Variants in ENTPD4 observed in about 807,000 individuals in gnomAD.
ENTPD4 encodes Golgi UDPase.
In ENTPD4, 60 loss-of-function variants were observed where a neutral mutation model predicts 79.1. That is an observed-to-expected ratio of 0.76 (90% CI 0.62 to 0.94). The LOEUF is 0.94. Among genes scored for constraint, ENTPD4 ranks in the 40% least tolerant of loss-of-function variants. The pLI is 0.00. For missense variants in ENTPD4, 772 were observed against 775.1 expected, an observed-to-expected ratio of 1.00 and a Z score of 0.05; for synonymous variants, 276 against 292.0, an observed-to-expected ratio of 0.95 and a Z score of 0.56.
chr8:23,447,927 T>A (rs1261782455), intron 3 of ENTPD4, 42 bp from the exon 4 acceptor site: 4 of 1,530,786 alleles, frequency 2.6e-6, no homozygotes, highest in Non-Finnish European at 3.6e-6. Flanking sequence ...AGACAAAGAA[T>A]ATCACCTGAA....
rs1235176506 is a variant in ENTPD4, at chr8:23,430,731, C to A, written c.*2195G>T. 2 of 985,422 alleles carry A rather than the reference C, an allele frequency of 2.0e-6. No homozygotes were observed. The highest frequency in any genetic ancestry group is 2.4e-6 in the Non-Finnish European group (2 of 830,036). The allele number at this position is 985,422 out of a possible 1,614,324, so 61.0% of individuals were successfully genotyped here. A position where few individuals can be genotyped will look rare whatever the true frequency, so the allele number is the denominator to read the frequency against. ...AGAGCTGGAAGGCGGGGTCCCCTAA[C>A]TCCCTGGGTGCCCACCTGCCCACTT... On this transcript the variant is annotated 3_prime_UTR_variant, in exon 13 of 13. Coordinates refer to ENST00000358689, the MANE Select transcript of ENTPD4 (RefSeq NM_004901.5).
chr8:23,432,982 CGGCCGAG>C lies in ENTPD4; in HGVS notation c.1788_1794del (p.Ser596ArgfsTer94), dbSNP rs768724699. 6.2e-7 allele frequency: 1 copy of C among 1,613,396 alleles called. No individual in the cohort carries two copies. The highest frequency in any genetic ancestry group is 8.5e-7 in the Non-Finnish European group (1 of 1,179,664). ...AGGCCCTCCTCCATCCAGAGGGCGG[CGGCCGAG>C]CTGCTCCGGGGAGTGCGCCTGTGGA... is the stretch of plus-strand genomic sequence containing the variant. On this transcript the variant is annotated frameshift_variant, in exon 13 of 13. Coordinates refer to ENST00000358689, the MANE Select transcript of ENTPD4 (RefSeq NM_004901.5). LOFTEE classifies it high-confidence loss of function.
chr8:23,441,870 G>T, intron 7 of ENTPD4, 137 bp downstream of exon 7: 1 of 1,115,376 alleles, frequency 9.0e-7, no homozygotes, highest in Non-Finnish European at 1.3e-6. Context: ...GTTGAATTAC[G>T]TTCAACTGCA....
At position 23,447,832 on chromosome 8, in the gene ENTPD4, AC is replaced by A. The variant is rs1800788331; in HGVS notation, c.259del (p.Val87Ter). On this transcript the variant is annotated frameshift_variant, in exon 4 of 13. Transcript: ENST00000358689. LOFTEE classifies it high-confidence loss of function. ...IEATDTNNPN[V>X]NYGIVVDCGS... The stretch of plus-strand genomic sequence containing the variant: ...ACAGTCCACCACGATCCCATAGTTC[AC>A]ATTGGGGTTATTGGTGTCTGTAGCT... The A allele has an allele frequency of 6.2e-7, 1 of 1,614,084 alleles. No homozygotes were observed. The highest frequency in any genetic ancestry group is 1.7e-5 in the Admixed American group (1 of 60,004).
At chr8:23,454,219 T>C (rs561782045) in intron 1 of ENTPD4, among the ~76,000 whole-genome samples, 137 of 152,306 alleles carry the variant, frequency 9.0e-4, no homozygotes, top group African/African-American at 2.6e-3. Flanking sequence ...TCCGAATATA[T>C]TGAGAAAGCC....
chr8:23,449,471 T>A (rs1301189540), intron 2 of ENTPD4, among the ~76,000 whole-genome samples: 1 of 152,126 alleles, frequency 6.6e-6, no homozygotes, highest in Non-Finnish European at 1.5e-5. Flanking sequence ...CCAGATGACT[T>A]GAGTAATGGG....
intron 5 of ENTPD4, 72 bp downstream of exon 5, chr8:23,444,384 G>A (rs1476622437): frequency 1.6e-6 from 2 of 1,287,780 alleles, no homozygotes; most frequent in Non-Finnish European, 2.2e-6. Context: ...GGAGAAGGAG[G>A]AAGGGGGAGA....
chr8:23,434,209 C>T (rs1419070942), intron 12 of ENTPD4, 108 bp downstream of exon 12: 20 of 1,426,866 alleles, frequency 1.4e-5, no homozygotes, highest in Admixed American at 6.0e-5. Flanking sequence ...CTGCCGTGGC[C>T]GGCTCTAACA....
intron 1 of ENTPD4, among the ~76,000 whole-genome samples, chr8:23,456,752 C>T (rs918376669): frequency 1.3e-5 from 2 of 152,218 alleles, no homozygotes; most frequent in Non-Finnish European, 2.9e-5. Context: ...TTTTAGGCCT[C>T]TCTAAAGCTG....
At chr8:23,452,957 G>GC (rs1231650220) in intron 1 of ENTPD4, among the ~76,000 whole-genome samples, 1 of 152,196 alleles carries the variant, frequency 6.6e-6, no homozygotes, top group Admixed American at 6.5e-5. Flanking sequence ...GGCAGGGACA[G>GC]CCTCTTATTC....
At position 23,441,598 on chromosome 8, in the gene ENTPD4, T is replaced by C; in HGVS notation, c.853A>G (p.Lys285Glu). The change falls in exon 8 of 13, where the codon AAA becomes GAA. Residue 285 changes from lysine (K) to glutamate (E), a missense_variant. By Grantham distance (56) the Lys-to-Glu change is moderately conservative. Transcript: ENST00000358689. Reference sequence around the variant, plus strand: ...TGTGAGGACGCAAAGCTTACAGTTTTGGGGACTTCGTACGCTATCTGAGTC... The same window carrying C: ...TGTGAGGACGCAAAGCTTACAGTTTCGGGGACTTCGTACGCTATCTGAGTC... ...VSTQIAYEVP[K>E]TVSFASSQQE... is the part of the protein sequence containing the mutation. 6.2e-7 allele frequency: 1 copy of C among 1,614,226 alleles called. No individual in the cohort carries two copies. Among genetic ancestry groups the C allele is most frequent in the East Asian group, 2.2e-5 (1 of 44,890 alleles).
intron 1 of ENTPD4, among the ~76,000 whole-genome samples, chr8:23,452,083 G>A (rs544792949): frequency 6.6e-6 from 1 of 152,330 alleles, no homozygotes; most frequent in South Asian, 2.1e-4. Flanking sequence ...CTTGTCTAAG[G>A]TCACACAGCT....
At position 23,430,718 on chromosome 8, in the gene ENTPD4, C is replaced by T. The variant is rs945727153; in HGVS notation, c.*2208G>A. ...CTCTTCTATGCCCAGAGCTGGAAGG[C>T]GGGGTCCCCTAACTCCCTGGGTGCC... On this transcript the variant is annotated 3_prime_UTR_variant, in exon 13 of 13. Coordinates refer to ENST00000358689, the MANE Select transcript of ENTPD4 (RefSeq NM_004901.5). 2.6e-5 allele frequency: 26 copies of T among 985,484 alleles called. 1 individual carries two copies. In the South Asian group the frequency reaches 4.2e-4, roughly 16 times the overall value. The allele number at this position is 985,484 out of a possible 1,614,324, so 61.0% of individuals were successfully genotyped here. A position where few individuals can be genotyped will look rare whatever the true frequency, so the allele number is the denominator to read the frequency against.
At position 23,433,127 on chromosome 8, in the gene ENTPD4, G is replaced by A; in HGVS notation, c.1650C>T (p.Ala550=). 1 of 1,614,182 alleles carries A rather than the reference G, an allele frequency of 6.2e-7. No homozygotes were observed. The highest frequency in any genetic ancestry group is 1.1e-5 in the South Asian group (1 of 91,082). The change falls in exon 13 of 13, where the codon GCC becomes GCT. Residue 550 remains alanine, a synonymous_variant. Coordinates refer to ENST00000358689, the MANE Select transcript of ENTPD4 (RefSeq NM_004901.5). ...AAACGCCCCGCCAGTGGGTGTGACT[G>A]GCTCGGAAGGCCTCCTGCTGGATGT... The part of the protein sequence containing the change: ...LRDIQQEAFR[A]SHTHWRGVSF...
chr8:23,431,647 G>A lies in ENTPD4; in HGVS notation c.*1279C>T, dbSNP rs1585397888. ...GAAGAGGACTCGGCAGGCTGTGCAT[G>A]GGGTCTCCCAGTACGATTAAAAGCT... On this transcript the variant is annotated 3_prime_UTR_variant, in exon 13 of 13. Transcript: ENST00000358689. 1.0e-6 allele frequency: 1 copy of A among 985,418 alleles called. No individual in the cohort carries two copies. Among genetic ancestry groups the A allele is most frequent in the Non-Finnish European group, 1.2e-6 (1 of 829,940 alleles). 61.0% of individuals were successfully genotyped at this position (985,418 alleles called of 1,614,324 possible). A position where few individuals can be genotyped will look rare whatever the true frequency, so the allele number is the denominator to read the frequency against.
At chr8:23,449,092 C>T (rs767643968) in intron 2 of ENTPD4, among the ~76,000 whole-genome samples, 153 bp from the exon 3 acceptor site, 3 of 152,202 alleles carry the variant, frequency 2.0e-5, no homozygotes, top group Non-Finnish European at 2.9e-5. Context: ...TGCTACACAA[C>T]AGCTACAAAC....
Position 23,437,121 on chromosome 8 carries a change from C to T in ENTPD4, c.1187G>A (p.Arg396Gln), listed in dbSNP as rs755215378. ...ATTCATGAAAGGCTGGATAGTCTCT[C>T]GACACAGGTCAAAGTCTCCAGTCCC... is the stretch of plus-strand genomic sequence containing the variant. Reference protein sequence around the residue: ...LRGTGDFDLCRETIQPFMNKT... With the variant: ...LRGTGDFDLCQETIQPFMNKT... Residue 396 changes from arginine (R) to glutamine (Q), a missense_variant, in exon 10 of 13, where the codon CGA becomes CAA. Coordinates refer to ENST00000358689, the MANE Select transcript of ENTPD4 (RefSeq NM_004901.5). The T allele has an allele frequency of 6.8e-6, 11 of 1,614,048 alleles. No individual in the cohort carries two copies. Among genetic ancestry groups the T allele is most frequent in the South Asian group, 2.2e-5 (2 of 91,086 alleles).
Position 23,433,027 on chromosome 8 carries a change from G to T in ENTPD4, c.1750C>A (p.Arg584=), listed in dbSNP as rs369574181. The T allele has an allele frequency of 5.0e-6, 8 of 1,613,978 alleles. No individual in the cohort carries two copies. The highest frequency in any genetic ancestry group is 2.2e-5 in the South Asian group (2 of 91,086). Residue 584 remains arginine, a synonymous_variant, in exon 13 of 13, where the codon CGG becomes AGG. Transcript: ENST00000358689. Reference sequence around the variant, plus strand: ...GTGCGCCTGTGGATGCGCCGCAGCCGCAGCAGGTACAGCAGGATGGCCAGC... The same window carrying T: ...GTGCGCCTGTGGATGCGCCGCAGCCTCAGCAGGTACAGCAGGATGGCCAGC... The part of the protein sequence containing the change: ...VLLAILLYLL[R]LRRIHRRTPR...
intron 4 of ENTPD4, among the ~76,000 whole-genome samples, chr8:23,446,330 G>A (rs929023375): frequency 2.6e-5 from 4 of 152,188 alleles, no homozygotes; most frequent in Admixed American, 2.6e-4. Flanking sequence ...TTTAGTCACT[G>A]ATGGGACCTG....
Sources: allele counts gnomAD v4.1 joint callset (sites outside exome capture counted in the v4.1 genomes callset), GRCh38; gene constraint gnomAD v4.1.1; transcripts MANE v1.5; gene names NCBI Gene and HGNC (gene_info 2026-07-23, HGNC 2026-07-21).